The following GALM variants were observed in gnomAD, a reference collection of about 807,000 sequenced individuals.
GALM encodes the protein aldose 1-epimerase.
GALM carries 43 observed loss-of-function variants against 37.4 expected under a neutral mutation model. That is an observed-to-expected ratio of 1.15 (90% CI 0.90 to 1.48). GALM has a LOEUF of 1.48. GALM is among the 40% of genes most tolerant of loss of function. The pLI, the probability that GALM is intolerant of heterozygous loss-of-function variation, is 0.00. For synonymous variants in GALM, 199 were observed against 170.6 expected, an observed-to-expected ratio of 1.17 and a Z score of -1.30; for missense variants, 456 against 419.1, an observed-to-expected ratio of 1.09 and a Z score of -0.77.
chr2:38,690,165 G>T (rs1353705708), intron 4 of GALM, among the ~76,000 whole-genome samples: 1 of 152,100 alleles, frequency 6.6e-6, no homozygotes, highest in Non-Finnish European at 1.5e-5. Context: ...TTTAAAAAAT[G>T]GTGAGTAAGA....
intron 1 of GALM, among the ~76,000 whole-genome samples, chr2:38,671,154 G>C (rs1330737295): frequency 6.6e-6 from 1 of 152,160 alleles, no homozygotes; most frequent in African/African-American, 2.4e-5. Flanking sequence ...GCTTGACCTA[G>C]GAACTTTGAA....
chr2:38,681,402 G>C lies in GALM; in HGVS notation c.468G>C (p.Glu156Asp). The C allele has an allele frequency of 6.2e-7, 1 of 1,614,190 alleles. No homozygotes were observed. Among genetic ancestry groups the C allele is most frequent in the Non-Finnish European group, 8.5e-7 (1 of 1,180,032 alleles). The change falls in exon 3 of 7, where the codon GAG (glutamate) becomes GAC (aspartate). Residue 156 changes from glutamate to aspartate, a missense_variant. Transcript: ENST00000272252. ...VWVTYTLDGGELIVNYRAQAS... is the reference protein window; with the variant it reads ...VWVTYTLDGGDLIVNYRAQAS... ...TGACATACACCCTGGATGGCGGAGA[G>C]CTCATAGTCAACTACAGAGCACAAG...
At chr2:38,691,441 G>A (rs1417009146) in intron 4 of GALM, among the ~76,000 whole-genome samples, 1 of 152,104 alleles carries the variant, frequency 6.6e-6, no homozygotes, top group Non-Finnish European at 1.5e-5. Flanking sequence ...ACTTTGGGAG[G>A]CTGAGGCAGA....
At chr2:38,733,420 G>A in intron 6 of GALM, 68 bp from the exon 7 acceptor site, 1 of 1,320,744 alleles carries the variant, frequency 7.6e-7, no homozygotes, top group Non-Finnish European at 1.1e-6. Context: ...CCGTCCAGAA[G>A]CACACCCAAA....
intron 4 of GALM, among the ~76,000 whole-genome samples, chr2:38,713,942 G>C (rs1666219030): frequency 6.6e-6 from 1 of 151,590 alleles, no homozygotes; most frequent in African/African-American, 2.4e-5. Flanking sequence ...GTGTGATCTA[G>C]GACAATTTAT....
In GALM at chr2:38,733,671, A is replaced by T; in HGVS notation, c.*106A>T. The T allele has an allele frequency of 1.2e-6, 1 of 840,486 alleles. No homozygotes were observed. The highest frequency in any genetic ancestry group is 2.1e-6 in the Non-Finnish European group (1 of 487,576). 52.1% of individuals were successfully genotyped at this position (840,486 alleles called of 1,614,324 possible). A position where few individuals can be genotyped will look rare whatever the true frequency, so the allele number is the denominator to read the frequency against. On this transcript the variant is annotated 3_prime_UTR_variant, in exon 7 of 7. Coordinates refer to ENST00000272252, the MANE Select transcript of GALM (RefSeq NM_138801.3). ...GCTTTCAGAATGATTCTATGGATTA[A>T]AATCATACAAATGGTGGCTGTTCTG...
rs145984525 is a variant in GALM at position 38,677,654 on chromosome 2, G to A, written c.345+1588G>A. On this transcript the variant is annotated intron_variant, in intron 2 of 6. Transcript: ENST00000272252. ...CCCCCTGTTCACTGTGGCATTTTCC[G>A]TGGTGTTGCTTAACTTATATTCCCT... Among the ~76,000 whole-genome samples, 21 of 152,294 alleles carry A rather than the reference G, an allele frequency of 1.4e-4. No individual in the cohort carries two copies. The East Asian group carries it at 2.3e-3, about 17-fold the overall frequency.
chr2:38,695,872 T>G (rs564960851), intron 4 of GALM, among the ~76,000 whole-genome samples: 34 of 152,136 alleles, frequency 2.2e-4, no homozygotes, highest in African/African-American at 8.2e-4. Context: ...ATAATTTTTG[T>G]ATTTTTAGTA....
intron 4 of GALM, among the ~76,000 whole-genome samples, chr2:38,712,620 C>A (rs1281878342): frequency 6.6e-6 from 1 of 152,166 alleles, no homozygotes; most frequent in Admixed American, 6.5e-5. Context: ...ATAGTTAGAT[C>A]TAGGAGACTG....
At chr2:38,691,934 G>A (rs775861019) in intron 4 of GALM, among the ~76,000 whole-genome samples, 15 of 152,080 alleles carry the variant, frequency 9.9e-5, no homozygotes, top group Non-Finnish European at 1.6e-4. Context: ...TTATCCAAAC[G>A]TATCTCAGTT....
chr2:38,726,221 T>A (rs1268154145), intron 4 of GALM, among the ~76,000 whole-genome samples: 5 of 12,978 alleles, frequency 3.9e-4, no homozygotes, highest in African/African-American at 1.2e-3. Flanking sequence ...CCTTTATTTT[T>A]TTTTTTTTAT....
intron 1 of GALM, chr2:38,668,623 G>A (rs1283322982): frequency 6.6e-6 from 1 of 151,986 alleles, no homozygotes; most frequent in Non-Finnish European, 1.5e-5. Flanking sequence ...AACAAACAGA[G>A]GTAAATAATT....
chr2:38,726,518 G>A (rs148857052), intron 4 of GALM, among the ~76,000 whole-genome samples: 4 of 151,450 alleles, frequency 2.6e-5, no homozygotes, highest in South Asian at 2.1e-4. Flanking sequence ...GAGCCACCCC[G>A]CCTGGCCAAG....
intron 4 of GALM, among the ~76,000 whole-genome samples, chr2:38,707,525 G>A (rs1304631579): frequency 6.6e-6 from 1 of 152,174 alleles, no homozygotes; most frequent in Non-Finnish European, 1.5e-5. Flanking sequence ...GGAGACCTGG[G>A]AACCTGCATG....
intron 4 of GALM, among the ~76,000 whole-genome samples, chr2:38,694,415 T>C (rs145402856): frequency 7.4e-4 from 113 of 152,244 alleles, no homozygotes; most frequent in African/African-American, 2.5e-3. Flanking sequence ...TCCTCCTTGT[T>C]CCTTCCTCCC....
chr2:38,670,991 G>A (rs1283094075), intron 1 of GALM, among the ~76,000 whole-genome samples: 1 of 152,152 alleles, frequency 6.6e-6, no homozygotes, highest in East Asian at 1.9e-4. Flanking sequence ...GGGTGTCACA[G>A]TGTGGTCCTT....
chr2:38,712,976 G>C lies in GALM; in HGVS notation c.635-16580G>C, dbSNP rs1463395394. ...TTCCTGGTTCTGTTCTCTGACCCTGGGTGATTAATGTAACCTAGCTGTGTT... is the reference window on the plus strand; with the variant it reads ...TTCCTGGTTCTGTTCTCTGACCCTGCGTGATTAATGTAACCTAGCTGTGTT... On this transcript the variant is annotated intron_variant, in intron 4 of 6. Transcript: ENST00000272252. Among the ~76,000 whole-genome samples the C allele has an allele frequency of 2.0e-5, 3 of 152,054 alleles. No individual in the cohort carries two copies. In the East Asian group the frequency reaches 5.8e-4, roughly 29 times the overall value.
intron 1 of GALM, among the ~76,000 whole-genome samples, chr2:38,674,518 TATA>T (rs1665190729): frequency 6.6e-6 from 1 of 152,176 alleles, no homozygotes; most frequent in African/African-American, 2.4e-5. Flanking sequence ...ATGTCCCATG[TATA>T]ATAATAACAT....
At chr2:38,681,969 G>A (rs1053115485) in intron 3 of GALM, among the ~76,000 whole-genome samples, 5 of 152,228 alleles carry the variant, frequency 3.3e-5, no homozygotes, top group African/African-American at 4.8e-5. Context: ...GCGCAGTACC[G>A]TGGAAAGAGC....
Sources: allele counts gnomAD v4.1 joint callset (sites outside exome capture counted in the v4.1 genomes callset), GRCh38; gene constraint gnomAD v4.1.1; transcripts MANE v1.5; gene names NCBI Gene and HGNC (gene_info 2026-07-23, HGNC 2026-07-21).